MEGF8: variants seen among roughly 807,000 people sequenced by gnomAD.
MEGF8 encodes multiple EGF like domains 8, also known as multiple epidermal growth factor-like domains protein 8.
Under a neutral mutation model 302.9 loss-of-function variants are expected in MEGF8, and 156 were observed. The ratio of observed to expected loss-of-function variants is 0.52; its 90% CI spans 0.45 to 0.59. MEGF8 has a LOEUF of 0.59. MEGF8 is among the 20% of genes least tolerant of loss of function. MEGF8 has a pLI of 0.00. For missense variants in MEGF8, 3,345 were observed against 3,964.5 expected (o/e 0.84, Z 4.20); for synonymous variants, 1,621 against 1,660.5 (o/e 0.98, Z 0.58).
Position 42,368,582 on chromosome 19 carries a change from C to A in MEGF8, c.6401C>A (p.Pro2134His). 1 of 1,581,758 alleles carries A rather than the reference C, an allele frequency of 6.3e-7. No individual in the cohort carries two copies. The highest frequency in any genetic ancestry group is 8.6e-7 in the Non-Finnish European group (1 of 1,164,544). ...ATQCALCLRRPHCGWCAWGGQ... is the reference protein window; with the variant it reads ...ATQCALCLRRHHCGWCAWGGQ... The stretch of plus-strand genomic sequence containing the variant: ...CAGTGCGCCTTGTGCCTGCGGCGCC[C>A]CCATTGCGGCTGGTGTGCCTGGGGG... Residue 2134 changes from proline to histidine, a missense_variant, in exon 36 of 42, where the codon CCC (proline) becomes CAC (histidine). By Grantham distance (77) the Pro-to-His change is moderately conservative. Coordinates refer to ENST00000251268, the MANE Select transcript of MEGF8 (RefSeq NM_001271938.2). The surrounding 1 kb of genome is among the most constrained non-coding windows in gnomAD (Gnocchi z 4.9).
rs748624378 is a variant in MEGF8 at position 42,370,843 on chromosome 19, CGGGGGGGGGGGGGGGGGGGGGGGG to C, written c.7136+18_7136+41del. On this transcript the variant is annotated intron_variant, in intron 40 of 41. Transcript: ENST00000251268. ...GGGAAGTGCACCAAGTAAGAGGAAC[CGGGGGGGGGGGGGGGGGGGGGGGG>C]GGGGGAGGCCGGGGATCCCACCCTT... 1.5e-5 allele frequency: 2 copies of C among 132,174 alleles called. 1 individual carries two copies. Among genetic ancestry groups the C allele is most frequent in the Admixed American group, 2.4e-4 (2 of 8,256 alleles). The allele number at this position is 132,174 out of a possible 1,614,324, so 8.2% of individuals were successfully genotyped here. A position where few individuals can be genotyped will look rare whatever the true frequency, so the allele number is the denominator to read the frequency against.
In MEGF8 at chr19:42,351,549, C is replaced by T; in HGVS notation, c.2976C>T (p.Gly992=). The T allele has an allele frequency of 6.2e-7, 1 of 1,609,620 alleles. No homozygotes were observed. The highest frequency in any genetic ancestry group is 1.7e-5 in the Admixed American group (1 of 59,346). ...GGTACCCACACGGGGGCTGTCGAGGCTGGGACGACAGGTATGGTCCCTGGG... is the reference window on the plus strand; with the variant it reads ...GGTACCCACACGGGGGCTGTCGAGGTTGGGACGACAGGTATGGTCCCTGGG... The part of the protein sequence containing the change: ...LARYPHGGCR[G]WDDSVHSEPR... Residue 992 remains glycine (G), a synonymous_variant, in exon 17 of 42, where the codon GGC becomes GGT. Coordinates refer to ENST00000251268, the MANE Select transcript of MEGF8 (RefSeq NM_001271938.2). The surrounding 1 kb of genome is among the most constrained non-coding windows in gnomAD (Gnocchi z 5.6).
chr19:42,366,194 C>G (rs1022139729), intron 35 of MEGF8, among the ~76,000 whole-genome samples: 2 of 152,110 alleles, frequency 1.3e-5, no homozygotes, highest in African/African-American at 4.8e-5. Context: ...CTAACCATCC[C>G]GCATTGTTCT....
In MEGF8 at chr19:42,352,290, G is replaced by A. The variant is rs964404973; in HGVS notation, c.3184G>A (p.Ala1062Thr). Reference protein sequence around the residue: ...WVGEGLGLPVALPARWAYARC... With the variant: ...WVGEGLGLPVTLPARWAYARC... ...GGGGGAGGGCCTGGGGCTTCCCGTG[G>A]CCCTCCCTGCCCGCTGGGCATACGC... Residue 1062 changes from alanine (A) to threonine (T), a missense_variant, in exon 19 of 42, where the codon GCC becomes ACC. By Grantham distance (58) the Ala-to-Thr change is moderately conservative. Coordinates refer to ENST00000251268, the MANE Select transcript of MEGF8 (RefSeq NM_001271938.2). The surrounding 1 kb of genome is among the most constrained non-coding windows in gnomAD (Gnocchi z 4.4). 1.1e-5 allele frequency: 17 copies of A among 1,569,438 alleles called. No homozygotes were observed. The Admixed American group carries it at 2.2e-4, about 21-fold the overall frequency.
chr19:42,362,930 G>T, intron 34 of MEGF8, 118 bp from the exon 35 acceptor site: 1 of 864,098 alleles, frequency 1.2e-6, no homozygotes, highest in South Asian at 1.6e-5. Flanking sequence ...AGGGGCTGGG[G>T]CTGGATTCCT....
chr19:42,352,080 GTC>G lies in MEGF8; in HGVS notation c.3102-122_3102-121del, dbSNP rs1259186619. The G allele has an allele frequency of 8.0e-7, 1 of 1,253,346 alleles. No homozygotes were observed. Among genetic ancestry groups the G allele is most frequent in the Non-Finnish European group, 1.1e-6 (1 of 928,856 alleles). 77.6% of individuals were successfully genotyped at this position (1,253,346 alleles called of 1,614,324 possible). On this transcript the variant is annotated intron_variant, in intron 18 of 41. Transcript: ENST00000251268. This position sits in a 1 kb window ranked among gnomAD's most constrained non-coding sequence, Gnocchi z 4.4. ...GTCTGCGACTTCTCCTGGTTTCTCTGTCTCTCTTTCCAAATTTGTATTTGCAT... is the reference window on the plus strand; with the variant it reads ...GTCTGCGACTTCTCCTGGTTTCTCTGTCTCTTTCCAAATTTGTATTTGCAT...
rs377601737 is a variant in MEGF8 at position 42,375,811 on chromosome 19, A to T, written c.7574A>T (p.His2525Leu). 13 of 1,612,156 alleles carry T rather than the reference A, an allele frequency of 8.1e-6. No individual in the cohort carries two copies. The highest frequency in any genetic ancestry group is 1.0e-5 in the Non-Finnish European group (12 of 1,179,720). Residue 2525 changes from histidine to leucine, a missense_variant, in exon 42 of 42, where the codon CAC becomes CTC. Transcript: ENST00000251268. This position sits in a 1 kb window ranked among gnomAD's most constrained non-coding sequence, Gnocchi z 7.1. ...CCTGACACTGGCGTCCATACTGTAC[A>T]CATCCAGCCACCCCCAGCCCCACCA... is the stretch of plus-strand genomic sequence containing the variant. ...VAPDTGVHTV[H>L]IQPPPAPPPP...
In MEGF8 at chr19:42,354,054, G is replaced by C; in HGVS notation, c.4011+30G>C. The C allele has an allele frequency of 6.4e-7, 1 of 1,572,344 alleles. No homozygotes were observed. On this transcript the variant is annotated intron_variant, in intron 22 of 41. Coordinates refer to ENST00000251268, the MANE Select transcript of MEGF8 (RefSeq NM_001271938.2). The surrounding 1 kb of genome is among the most constrained non-coding windows in gnomAD (Gnocchi z 4.3). ...GCACTGAGGAAACGAGGGTTCAGGC[G>C]CATGAGCCAGAACCGTGTCCCCTGA...
At chr19:42,366,617 T>A (rs938992654) in intron 35 of MEGF8, among the ~76,000 whole-genome samples, 1 of 152,242 alleles carries the variant, frequency 6.6e-6, no homozygotes, top group African/African-American at 2.4e-5. Context: ...GAATTTATCA[T>A]TGAGCACCTT....
At chr19:42,370,416 G>T in intron 39 of MEGF8, 57 bp downstream of exon 39, 1 of 1,426,692 alleles carries the variant, frequency 7.0e-7, no homozygotes. Flanking sequence ...GGGAGCTCCT[G>T]GGTCTGAGGG....
At position 42,369,746 on chromosome 19, in the gene MEGF8, C is replaced by A; in HGVS notation, c.6834+23C>A. 1 of 1,577,662 alleles carries A rather than the reference C, an allele frequency of 6.3e-7. No homozygotes were observed. On this transcript the variant is annotated intron_variant, in intron 38 of 41. Coordinates refer to ENST00000251268, the MANE Select transcript of MEGF8 (RefSeq NM_001271938.2). This position sits in a 1 kb window ranked among gnomAD's most constrained non-coding sequence, Gnocchi z 5.7. Reference sequence around the variant, plus strand: ...AAGGTGGGCCGCCCGGAGCCTCAGACCCCCGACCCTGGGACCCAGGCCCTC... The same window carrying A: ...AAGGTGGGCCGCCCGGAGCCTCAGAACCCCGACCCTGGGACCCAGGCCCTC...
intron 8 of MEGF8, among the ~76,000 whole-genome samples, chr19:42,340,490 A>G (rs944894774): frequency 6.6e-6 from 1 of 151,992 alleles, no homozygotes; most frequent in African/African-American, 2.4e-5. Flanking sequence ...CGGCCTCCCA[A>G]AGTGCTGGGA....
Position 42,376,912 on chromosome 19 carries a change from G to A in MEGF8, c.*137G>A, listed in dbSNP as rs1459832618. ...CCCCTTCCCCCAGGGTTGCCCAGATGGGGCCTCCTTTGTTCTGCATTCAGC... is the reference window on the plus strand; with the variant it reads ...CCCCTTCCCCCAGGGTTGCCCAGATAGGGCCTCCTTTGTTCTGCATTCAGC... On this transcript the variant is annotated 3_prime_UTR_variant, in exon 42 of 42. Coordinates refer to ENST00000251268, the MANE Select transcript of MEGF8 (RefSeq NM_001271938.2). The surrounding 1 kb of genome is among the most constrained non-coding windows in gnomAD (Gnocchi z 8.2). 5 of 930,172 alleles carry A rather than the reference G, an allele frequency of 5.4e-6. No homozygotes were observed. Among genetic ancestry groups the A allele is most frequent in the Non-Finnish European group, 5.9e-6 (4 of 675,018 alleles). 57.6% of individuals were successfully genotyped at this position (930,172 alleles called of 1,614,324 possible).
Position 42,353,214 on chromosome 19 carries a change from C to A in MEGF8, c.3550+87C>A. ...CCAGTTTGCTCTTCTTGGAGGGGGCCTCAGTGTCCTCTCATGCAGCTCTAG... is the reference window on the plus strand; with the variant it reads ...CCAGTTTGCTCTTCTTGGAGGGGGCATCAGTGTCCTCTCATGCAGCTCTAG... On this transcript the variant is annotated intron_variant, in intron 20 of 41. Coordinates refer to ENST00000251268, the MANE Select transcript of MEGF8 (RefSeq NM_001271938.2). The surrounding 1 kb of genome is among the most constrained non-coding windows in gnomAD (Gnocchi z 6.1). 7.9e-7 allele frequency: 1 copy of A among 1,267,276 alleles called. No homozygotes were observed. Among genetic ancestry groups the A allele is most frequent in the Non-Finnish European group, 1.1e-6 (1 of 930,792 alleles). 78.5% of individuals were successfully genotyped at this position (1,267,276 alleles called of 1,614,324 possible). A position where few individuals can be genotyped will look rare whatever the true frequency, so the allele number is the denominator to read the frequency against.
chr19:42,335,878 G>C (rs1021730643), intron 5 of MEGF8, 53 bp from the exon 6 acceptor site: 1 of 1,420,784 alleles, frequency 7.0e-7, no homozygotes, highest in Non-Finnish European at 9.2e-7. Context: ...TCTAAGCCTG[G>C]CTCTGGCTCT....
Position 42,352,543 on chromosome 19 carries a change from C to T in MEGF8, c.3350+87C>T. 1 of 1,463,340 alleles carries T rather than the reference C, an allele frequency of 6.8e-7. No individual in the cohort carries two copies. The allele number at this position is 1,463,340 out of a possible 1,614,324, so 90.6% of individuals were successfully genotyped here. ...GGAGGAAGCCATCATGGCGCTGGGTCCCCTCCTGTGGAACCAGCATCCCCA... is the reference window on the plus strand; with the variant it reads ...GGAGGAAGCCATCATGGCGCTGGGTTCCCTCCTGTGGAACCAGCATCCCCA... On this transcript the variant is annotated intron_variant, in intron 19 of 41. Transcript: ENST00000251268. This position sits in a 1 kb window ranked among gnomAD's most constrained non-coding sequence, Gnocchi z 4.4.
chr19:42,372,144 G>A (rs2039702812), intron 41 of MEGF8, among the ~76,000 whole-genome samples: 1 of 152,030 alleles, frequency 6.6e-6, no homozygotes, highest in Non-Finnish European at 1.5e-5. Context: ...TGAGGGTCTG[G>A]GGTCTGCCTT....
chr19:42,370,129 A>G (rs935708366), intron 38 of MEGF8, 60 bp from the exon 39 acceptor site: 17 of 1,538,562 alleles, frequency 1.1e-5, no homozygotes, highest in Non-Finnish European at 1.5e-5. Flanking sequence ...TGTGCCCCCA[A>G]CGCCCTCCTA....
At chr19:42,326,529 G>T (rs1035789113) in intron 1 of MEGF8, 99 bp downstream of exon 1, 3 of 1,436,858 alleles carry the variant, frequency 2.1e-6, no homozygotes, top group Non-Finnish European at 2.7e-6. Flanking sequence ...TTCTGGTCCA[G>T]GCCTTTTGCT....
Sources: allele counts gnomAD v4.1 joint callset (sites outside exome capture counted in the v4.1 genomes callset), GRCh38; gene constraint gnomAD v4.1.1; non-coding constraint Gnocchi (gnomAD v3.1); transcripts MANE v1.5; gene names NCBI Gene and HGNC (gene_info 2026-07-23, HGNC 2026-07-21).